Variants in KCNQ4 observed in about 807,000 individuals in gnomAD.
KCNQ4 encodes potassium voltage-gated channel subfamily KQT member 4.
KCNQ4 carries 31 observed loss-of-function variants against 72.6 expected under a neutral mutation model. The ratio of observed to expected loss-of-function variants is 0.43; its 90% CI spans 0.32 to 0.58. The LOEUF (loss-of-function observed/expected upper bound fraction) is 0.58. Ranked by LOEUF, KCNQ4 falls within the 20% of genes least tolerant of loss-of-function variation. The probability of loss-of-function intolerance (pLI) is 0.08; values close to 1 mark genes in which losing one functional copy is unlikely to be tolerated. For synonymous variants in KCNQ4, 405 were observed against 403.7 expected (o/e 1.00, Z -0.04); for missense variants, 869 against 962.6 (o/e 0.90, Z 1.29).
chr1:40,831,203 G>T lies in KCNQ4; in HGVS notation c.1412G>T (p.Gly471Val). The T allele has an allele frequency of 6.2e-7, 1 of 1,610,392 alleles. No individual in the cohort carries two copies. Among genetic ancestry groups the T allele is most frequent in the Admixed American group, 1.7e-5 (1 of 59,656 alleles). Residue 471 changes from glycine (G) to valine (V), a missense_variant, in exon 10 of 14, where the codon GGT (glycine) becomes GTT (valine). Coordinates refer to ENST00000347132, the MANE Select transcript of KCNQ4 (RefSeq NM_004700.4). ...ACCTCCCCAAGCAGCGAGCAGGTGG[G>T]TGAGGCCACCAGCCCCACCAAGGTG... ...MPTSPSSEQVGEATSPTKVQK... is the reference protein window; with the variant it reads ...MPTSPSSEQVVEATSPTKVQK...
In KCNQ4 at chr1:40,817,216, G is replaced by C; in HGVS notation, c.315-49G>C. 6.6e-7 allele frequency: 1 copy of C among 1,511,454 alleles called. No individual in the cohort carries two copies. The highest frequency in any genetic ancestry group is 9.2e-7 in the Non-Finnish European group (1 of 1,090,474). 93.6% of individuals were successfully genotyped at this position (1,511,454 alleles called of 1,614,324 possible). A position where few individuals can be genotyped will look rare whatever the true frequency, so the allele number is the denominator to read the frequency against. On this transcript the variant is annotated intron_variant, in intron 1 of 13. Coordinates refer to ENST00000347132, the MANE Select transcript of KCNQ4 (RefSeq NM_004700.4). This position sits in a 1 kb window ranked among gnomAD's most constrained non-coding sequence, Gnocchi z 5.5. ...ACCCCCTGCCAGGGGCACCTTGGCT[G>C]TCCTGTCCCTCCAACAATCTAACCC... is the stretch of plus-strand genomic sequence containing the variant.
intron 1 of KCNQ4, among the ~76,000 whole-genome samples, chr1:40,803,374 G>A (rs972143779): frequency 4.6e-5 from 7 of 152,128 alleles, no homozygotes; most frequent in African/African-American, 1.4e-4. Context: ...GACTGGTGGC[G>A]GAGTCAGGAG....
rs746073761 is a variant in KCNQ4 at position 40,822,389 on chromosome 1, C to T, written c.1117C>T (p.Leu373Phe). The T allele has an allele frequency of 6.2e-7, 1 of 1,607,594 alleles. No individual in the cohort carries two copies. Among genetic ancestry groups the T allele is most frequent in the South Asian group, 1.1e-5 (1 of 90,906 alleles). Reference sequence around the variant, plus strand: ...CACCTGGTACTACTATGACAGTATCCTCCCATCCTTCAGGTAGGTCCTGCT... The same window carrying T: ...CACCTGGTACTACTATGACAGTATCTTCCCATCCTTCAGGTAGGTCCTGCT... ...TATWYYYDSI[L>F]PSFRELALLF... Residue 373 changes from leucine to phenylalanine, a missense_variant, in exon 8 of 14, where the codon CTC (leucine) becomes TTC (phenylalanine). By Grantham distance (22) the Leu-to-Phe change is conservative (BLOSUM62 0). Transcript: ENST00000347132.
At chr1:40,818,349 T>G in intron 3 of KCNQ4, 59 bp downstream of exon 3, 8 of 1,608,936 alleles carry the variant, frequency 5.0e-6, no homozygotes, top group Non-Finnish European at 6.8e-6. Context: ...GGTGACGCCT[T>G]TACTCCCAAT....
intron 1 of KCNQ4, among the ~76,000 whole-genome samples, chr1:40,807,453 G>C (rs1647798000): frequency 6.6e-6 from 1 of 151,846 alleles, no homozygotes; most frequent in Admixed American, 6.5e-5. Flanking sequence ...TGGGGCCCTG[G>C]GTCACGTGCT....
intron 1 of KCNQ4, among the ~76,000 whole-genome samples, chr1:40,801,998 T>A (rs1203756655): frequency 6.6e-6 from 1 of 152,060 alleles, no homozygotes; most frequent in Non-Finnish European, 1.5e-5. Flanking sequence ...GGTGGGCAAC[T>A]CCTTTGGCTA....
intron 12 of KCNQ4, among the ~76,000 whole-genome samples, chr1:40,835,613 G>T (rs1648787570): frequency 6.6e-6 from 1 of 152,224 alleles, no homozygotes; most frequent in African/African-American, 2.4e-5. Context: ...TCGAGAAATA[G>T]TCAGTGGGCA....
chr1:40,786,222 T>C (rs1647201253), intron 1 of KCNQ4, among the ~76,000 whole-genome samples: 1 of 152,214 alleles, frequency 6.6e-6, no homozygotes, highest in East Asian at 1.9e-4. Flanking sequence ...GGAAGGGACT[T>C]TTCCAAGGCA....
At chr1:40,836,330 C>G (rs143798693) in intron 12 of KCNQ4, among the ~76,000 whole-genome samples, 6 of 152,252 alleles carry the variant, frequency 3.9e-5, no homozygotes, top group Non-Finnish European at 8.8e-5. Flanking sequence ...GAGGAAAAAT[C>G]GAGTTGCCAT....
intron 1 of KCNQ4, among the ~76,000 whole-genome samples, chr1:40,812,824 G>A (rs1422874192): frequency 6.6e-6 from 1 of 152,178 alleles, no homozygotes; most frequent in Non-Finnish European, 1.5e-5. Context: ...TGGTAACATG[G>A]TGTTTTGATG....
chr1:40,819,262 C>A (rs1471107743), intron 4 of KCNQ4, 85 bp from the exon 5 acceptor site: 22 of 1,528,562 alleles, frequency 1.4e-5, no homozygotes, highest in Non-Finnish European at 2.0e-5. Flanking sequence ...GATGGGGGAC[C>A]TTTATCCCTT....
chr1:40,821,485 G>GT (rs1648290361), intron 7 of KCNQ4, among the ~76,000 whole-genome samples: 1 of 123,948 alleles, frequency 8.1e-6, no homozygotes, highest in African/African-American at 3.0e-5. Context: ...CCTACGTGGA[G>GT]GGAGAGGGAC....
At chr1:40,805,159 AAAACAAAC>A (rs144946866) in intron 1 of KCNQ4, 2 of 151,468 alleles carry the variant, frequency 1.3e-5, no homozygotes, top group South Asian at 2.1e-4. Flanking sequence ...AAAAATAAAC[AAAACAAAC>A]AAACAAACAA....
At chr1:40,793,201 G>C (rs1346640872) in intron 1 of KCNQ4, among the ~76,000 whole-genome samples, 2 of 151,102 alleles carry the variant, frequency 1.3e-5, no homozygotes, top group Non-Finnish European at 3.0e-5. Context: ...ACAGGGTCTT[G>C]CTATGTTGTC....
At chr1:40,793,862 C>T (rs1647337717) in intron 1 of KCNQ4, among the ~76,000 whole-genome samples, 1 of 152,176 alleles carries the variant, frequency 6.6e-6, no homozygotes, top group South Asian at 2.1e-4. Flanking sequence ...CCCCATTACC[C>T]CCAGGCTCAA....
chr1:40,809,703 G>A (rs919348211), intron 1 of KCNQ4, among the ~76,000 whole-genome samples: 1 of 152,120 alleles, frequency 6.6e-6, no homozygotes, highest in African/African-American at 2.4e-5. Flanking sequence ...TATCTCCTTT[G>A]ATCTATTCTG....
rs113362618 is a variant in KCNQ4, at chr1:40,812,360, G to A, written c.315-4905G>A. On this transcript the variant is annotated intron_variant, in intron 1 of 13. Transcript: ENST00000347132. ...TAGCCTCAACCTCCCTGGCTCAAGC[G>A]ATCTTCCCACCTCAGCCTCCCGAGT... 3.5e-3 allele frequency among the ~76,000 whole-genome samples: 537 copies of A among 152,206 alleles called. 7 individuals carry two copies. Among genetic ancestry groups the A allele is most frequent in the African/African-American group, 0.012 (511 of 41,530 alleles).
At chr1:40,820,467 A>G (rs754579452) in intron 7 of KCNQ4, among the ~76,000 whole-genome samples, 2 of 152,190 alleles carry the variant, frequency 1.3e-5, no homozygotes, top group African/African-American at 2.4e-5. Flanking sequence ...CCCCTGCACC[A>G]AATGCCTGGT....
intron 8 of KCNQ4, among the ~76,000 whole-genome samples, chr1:40,823,629 C>T (rs763670558): frequency 2.6e-5 from 4 of 152,168 alleles, no homozygotes; most frequent in Admixed American, 6.5e-5. Flanking sequence ...GAAGAAGCCA[C>T]GGTCCCGAAT....
Sources: gnomAD v4.1 joint callset for allele counts (sites outside exome capture counted in the v4.1 genomes callset) on GRCh38, gnomAD v4.1.1 for gene constraint, Gnocchi (gnomAD v3.1) non-coding constraint, MANE v1.5 for transcripts, NCBI Gene and HGNC (gene_info 2026-07-23, HGNC 2026-07-21) for gene names.